LARGE1: variants seen among roughly 807,000 people sequenced by gnomAD.
LARGE1 encodes LARGE xylosyl- and glucuronyltransferase 1, also known as xylosyl- and glucuronyltransferase LARGE1.
Under a neutral mutation model 87.6 loss-of-function variants are expected in LARGE1, and 43 were observed. That is an observed-to-expected ratio of 0.49 (90% confidence interval 0.38 to 0.63). The LOEUF is 0.63. Among genes scored for constraint, LARGE1 ranks in the 30% least tolerant of loss-of-function variants. The probability of loss-of-function intolerance (pLI) is 0.00; values close to 1 mark genes in which losing one functional copy is unlikely to be tolerated. For missense variants in LARGE1, 802 were observed against 1,000.2 expected, an observed-to-expected ratio of 0.80 and a Z score of 2.67; for synonymous variants, 434 against 394.6, an observed-to-expected ratio of 1.10 and a Z score of -1.18.
chr22:33,274,284 GA>G lies in LARGE1; in HGVS notation c.*142del. On this transcript the variant is annotated 3_prime_UTR_variant, in exon 15 of 15. Coordinates refer to ENST00000397394, the MANE Select transcript of LARGE1 (RefSeq NM_133642.5). ...GATCCTTGTCCAAGGTCTCTGTAGTGAGGGCAGCTTGGCTGGGCCAAAGAGA... is the reference window on the plus strand; with the variant it reads ...GATCCTTGTCCAAGGTCTCTGTAGTGGGGCAGCTTGGCTGGGCCAAAGAGA... The G allele has an allele frequency of 1.2e-6, 1 of 832,146 alleles. No individual in the cohort carries two copies. Among genetic ancestry groups the G allele is most frequent in the Non-Finnish European group, 2.0e-6 (1 of 499,202 alleles). The allele number at this position is 832,146 out of a possible 1,614,324, so 51.5% of individuals were successfully genotyped here. A position where few individuals can be genotyped will look rare whatever the true frequency, so the allele number is the denominator to read the frequency against.
Position 33,892,657 on chromosome 22 carries a change from C to G in LARGE1, c.-83+27338G>C, listed in dbSNP as rs9621799. On this transcript the variant is annotated intron_variant, in intron 1 of 14. Transcript: ENST00000397394. The stretch of plus-strand genomic sequence containing the variant: ...GAATGAAAGAAGACTGACTACATTT[C>G]ACAGCCTTGTCAAGACACATGCCAG... Among the ~76,000 whole-genome samples, 807 of 152,350 alleles carry G rather than the reference C, an allele frequency of 5.3e-3. 11 individuals are homozygous for G. The highest frequency in any genetic ancestry group is 0.019 in the African/African-American group (779 of 41,576).
At chr22:33,326,625 A>C (rs1937266586) in intron 10 of LARGE1, among the ~76,000 whole-genome samples, 1 of 152,244 alleles carries the variant, frequency 6.6e-6, no homozygotes. Flanking sequence ...CTGGGATTTC[A>C]CATGAGGCAG....
In LARGE1 at chr22:33,235,932, CT is replaced by C. The variant is rs562900238; in HGVS notation, c.1730+68296del. On this transcript the variant is annotated intron_variant, in intron 11 of 11. Coordinates refer to the LARGE1 transcript ENST00000608642. ...CAGTTATAATTAAGATGAGATCATACTGGATTAGAGTGGGGCCTAAATCCAA... is the reference window on the plus strand; with the variant it reads ...CAGTTATAATTAAGATGAGATCATACGGATTAGAGTGGGGCCTAAATCCAA... 2.6e-5 allele frequency among the ~76,000 whole-genome samples: 4 copies of C among 152,288 alleles called. No individual in the cohort carries two copies. In the South Asian group the frequency reaches 8.3e-4, roughly 32 times the overall value.
chr22:33,138,448 TCA>T, the LARGE1 span, among the ~76,000 whole-genome samples: 80 of 124,674 alleles, frequency 6.4e-4, no homozygotes, highest in African/African-American at 2.2e-3. Flanking sequence ...TTTTATTTTT[TCA>T]TTTTTTTTTT....
the LARGE1 span, among the ~76,000 whole-genome samples, chr22:33,077,849 T>C: frequency 1.3e-5 from 2 of 152,182 alleles, no homozygotes; most frequent in Admixed American, 1.3e-4. Context: ...TACTGAACAT[T>C]CTTCACTTTA....
chr22:33,148,434 G>T, the LARGE1 span, among the ~76,000 whole-genome samples: 1 of 152,156 alleles, frequency 6.6e-6, no homozygotes, highest in Non-Finnish European at 1.5e-5. Context: ...TCAATAGTAG[G>T]CCATTGCATG....
At chr22:33,607,107 A>G (rs1222212840) in intron 4 of LARGE1, among the ~76,000 whole-genome samples, 3 of 152,150 alleles carry the variant, frequency 2.0e-5, no homozygotes, top group African/African-American at 7.2e-5. Flanking sequence ...TGAGGGGAAC[A>G]GATGTAGACA....
chr22:33,743,128 T>C (rs968633380), intron 2 of LARGE1: 5 of 152,156 alleles, frequency 3.3e-5, no homozygotes, highest in South Asian at 2.1e-4. Flanking sequence ...TTCGCCCTGA[T>C]TGTAAGCACC....
At chr22:33,694,132 A>T (rs1159404720) in intron 2 of LARGE1, among the ~76,000 whole-genome samples, 2 of 152,182 alleles carry the variant, frequency 1.3e-5, no homozygotes, top group Non-Finnish European at 2.9e-5. Context: ...GACATGTTAG[A>T]TGTTAGGAAA....
chr22:33,466,709 CACACAT>C (rs1463618510), intron 6 of LARGE1, among the ~76,000 whole-genome samples: 38 of 150,624 alleles, frequency 2.5e-4, no homozygotes, highest in Admixed American at 5.9e-4. Context: ...CACACACACA[CACACAT>C]ACACACACAC....
chr22:33,319,662 T>C lies in LARGE1; in HGVS notation c.1288-3414A>G, dbSNP rs1326376189. 9.9e-5 allele frequency among the ~76,000 whole-genome samples: 15 copies of C among 152,222 alleles called. 1 individual carries two copies. Among genetic ancestry groups the C allele is most frequent in the East Asian group, 3.9e-4 (2 of 5,164 alleles). ...CCACCCACCGAACCCTCCCAAAGTG[T>C]TGAGATTACAGGCGTGAGCTACCGC... On this transcript the variant is annotated intron_variant, in intron 10 of 14. Transcript: ENST00000397394.
At chr22:33,920,589 G>A (rs1187010982), upstream of LARGE1, among the ~76,000 whole-genome samples, 1 of 145,146 alleles carries the variant, frequency 6.9e-6, no homozygotes, top group Non-Finnish European at 1.5e-5. Flanking sequence ...AGAAGCGCCG[G>A]AAAAGGCCTC....
intron 10 of LARGE1, among the ~76,000 whole-genome samples, chr22:33,335,213 G>C (rs1008711252): frequency 2.0e-5 from 3 of 152,252 alleles, no homozygotes; most frequent in African/African-American, 7.2e-5. Flanking sequence ...ACTGATGTGA[G>C]CAAAGAGAAC....
chr22:33,740,829 C>T (rs761875221), intron 2 of LARGE1, among the ~76,000 whole-genome samples: 2 of 152,180 alleles, frequency 1.3e-5, no homozygotes, highest in South Asian at 2.1e-4. Flanking sequence ...TGCCCTCCCC[C>T]GCCACCGCCA....
intron 1 of LARGE1, among the ~76,000 whole-genome samples, chr22:33,778,508 A>G (rs1236465290): frequency 6.6e-6 from 1 of 152,112 alleles, no homozygotes; most frequent in Non-Finnish European, 1.5e-5. Context: ...GGCAACCAAC[A>G]TCTGCTTTCT....
At chr22:33,219,464 C>T (rs376841125) in intron 11 of LARGE1, among the ~76,000 whole-genome samples, 79 of 152,280 alleles carry the variant, frequency 5.2e-4, no homozygotes, top group East Asian at 2.5e-3. Flanking sequence ...ACCTGGTGTA[C>T]GCTAAATATT....
intron 6 of LARGE1, among the ~76,000 whole-genome samples, chr22:33,449,158 T>G (rs1213755378): frequency 6.6e-6 from 1 of 152,136 alleles, no homozygotes; most frequent in Non-Finnish European, 1.5e-5. Flanking sequence ...AAGACTTCTG[T>G]TTTCCGTAAG....
chr22:33,345,792 C>G (rs1230277399), intron 9 of LARGE1, among the ~76,000 whole-genome samples: 2 of 152,168 alleles, frequency 1.3e-5, no homozygotes, highest in Non-Finnish European at 2.9e-5. Flanking sequence ...AAGGCAGAAA[C>G]AAGACCTCAG....
chr22:33,415,574 A>G (rs1360375324), intron 7 of LARGE1, among the ~76,000 whole-genome samples: 1 of 152,198 alleles, frequency 6.6e-6, no homozygotes, highest in African/African-American at 2.4e-5. Flanking sequence ...GCAGCTGGGA[A>G]AACTCTCTAG....
Sources: gnomAD v4.1 joint callset for allele counts (sites outside exome capture counted in the v4.1 genomes callset) on GRCh38, gnomAD v4.1.1 for gene constraint, MANE v1.5 for transcripts, NCBI Gene and HGNC (gene_info 2026-07-23, HGNC 2026-07-21) for gene names.